Variants in IL12RB1 observed in about 807,000 individuals in gnomAD.
IL12RB1 encodes interleukin-12 receptor subunit beta-1.
A neutral mutation model predicts 94.4 loss-of-function variants in IL12RB1; 64 were observed. That is an observed-to-expected ratio of 0.68 (90% CI 0.55 to 0.83). The LOEUF (loss-of-function observed/expected upper bound fraction) is 0.83, where lower values mean the gene tolerates loss of function less well. Among genes scored for constraint, IL12RB1 ranks in the 40% least tolerant of loss-of-function variants. The pLI, the probability that IL12RB1 is intolerant of heterozygous loss-of-function variation, is 0.00. For missense variants in IL12RB1, 814 were observed against 855.6 expected (o/e 0.95, Z 0.61); for synonymous variants, 362 against 355.5 (o/e 1.02, Z -0.21).
chr19:18,097,101 T>C (rs2146659196), intron 1 of IL12RB1, among the ~76,000 whole-genome samples: 1 of 152,320 alleles, frequency 6.6e-6, no homozygotes, highest in East Asian at 1.9e-4. Flanking sequence ...ACCTTAAATT[T>C]TGCACAGGGG....
chr19:18,064,961 T>C (rs1250007109), intron 12 of IL12RB1, among the ~76,000 whole-genome samples: 1 of 152,178 alleles, frequency 6.6e-6, no homozygotes, highest in Non-Finnish European at 1.5e-5. Flanking sequence ...TTACCGCCCC[T>C]GTCCACGGCA....
At chr19:18,092,185 T>A (rs935711857) in intron 1 of IL12RB1, among the ~76,000 whole-genome samples, 44 of 76,686 alleles carry the variant, frequency 5.7e-4, no homozygotes, top group Admixed American at 1.2e-3. Context: ...ACCATCCAGC[T>A]TTTTTTTTTT....
At chr19:18,077,457 G>C (rs1425420301) in intron 5 of IL12RB1, 59 bp downstream of exon 5, 5 of 1,321,260 alleles carry the variant, frequency 3.8e-6, no homozygotes, top group Admixed American at 1.9e-5. Context: ...AGACTGATTT[G>C]GGGGTGAAGG....
At position 18,082,152 on chromosome 19, in the gene IL12RB1, A is replaced by G. The variant is rs2035959654; in HGVS notation, c.237T>C (p.Cys79=). The G allele has an allele frequency of 2.5e-6, 4 of 1,596,866 alleles. No homozygotes were observed. Among genetic ancestry groups the G allele is most frequent in the South Asian group, 1.1e-5 (1 of 90,610 alleles). Reference sequence around the variant, plus strand: ...GGGAATGGTAGAGGGGTCCTCACCAACACCGCAGGAAGTGGCTGACCCCAG... The same window carrying G: ...GGGAATGGTAGAGGGGTCCTCACCAGCACCGCAGGAAGTGGCTGACCCCAG... ...PTAGVSHFLR[C]CLSSGRCCYF... Residue 79 remains cysteine (C), a splice_region_variant and synonymous_variant, in exon 3 of 17, where the codon TGT becomes TGC. Transcript: ENST00000593993.
Position 18,060,427 on chromosome 19 carries a change from C to T in IL12RB1, c.1792-342G>A, listed in dbSNP as rs907187741. Among the ~76,000 whole-genome samples the T allele has an allele frequency of 3.9e-5, 6 of 152,218 alleles. No homozygotes were observed. In the South Asian group the frequency reaches 6.2e-4, roughly 16 times the overall value. On this transcript the variant is annotated intron_variant, in intron 15 of 16. Coordinates refer to ENST00000593993, the MANE Select transcript of IL12RB1 (RefSeq NM_005535.3). ...CCGGGAATCAGAGGTTGCAGTGAGC[C>T]GAGATGGCGCCACTGCACTCCAGGC... is the stretch of plus-strand genomic sequence containing the variant.
chr19:18,082,384 TC>T lies in IL12RB1; in HGVS notation c.125-121del, dbSNP rs1663631410. 4.3e-6 allele frequency: 3 copies of T among 703,734 alleles called. No homozygotes were observed. The African/African-American group carries it at 5.2e-5, about 12-fold the overall frequency. The allele number at this position is 703,734 out of a possible 1,614,324, so 43.6% of individuals were successfully genotyped here. Reference sequence around the variant, plus strand: ...CACCTCAGCCTAAACCCTCCCCGCGTCCTTCCTACCTCATCCCCTGCCGTCT... The same window carrying T: ...CACCTCAGCCTAAACCCTCCCCGCGTCTTCCTACCTCATCCCCTGCCGTCT... On this transcript the variant is annotated intron_variant, in intron 2 of 16. Coordinates refer to ENST00000593993, the MANE Select transcript of IL12RB1 (RefSeq NM_005535.3).
At chr19:18,084,587 A>G (rs1190706090) in intron 1 of IL12RB1, among the ~76,000 whole-genome samples, 1 of 151,056 alleles carries the variant, frequency 6.6e-6, no homozygotes. Flanking sequence ...CTATCCATCT[A>G]TCCATCCACG....
chr19:18,075,252 C>CTTTTTTTTTTTTTTTTTCT (rs71164363), intron 7 of IL12RB1, among the ~76,000 whole-genome samples: 2 of 132,972 alleles, frequency 1.5e-5, no homozygotes, highest in African/African-American at 2.7e-5. Flanking sequence ...TTTATTATTA[C>CTTTTTTTTTTTTTTTTTCT]TTTTTTTTTT....
intron 3 of IL12RB1, 33 bp downstream of exon 3, chr19:18,082,117 G>T: frequency 7.5e-7 from 1 of 1,339,550 alleles, no homozygotes; most frequent in Non-Finnish European, 1.1e-6. Context: ...GGGATGGTGG[G>T]TGAGGGTTTG....
Position 18,082,222 on chromosome 19 carries a change from G to A in IL12RB1, c.167C>T (p.Ser56Phe), listed in dbSNP as rs990803121. The change falls in exon 3 of 17, where the codon TCC (serine) becomes TTC (phenylalanine). Residue 56 changes from serine (S) to phenylalanine (F), a missense_variant. By Grantham distance (155) the Ser-to-Phe change is radical. Transcript: ENST00000593993. ...CCAGGAGCACTCGTAACGATCACTG[G>A]ATATCCGATAGCATCTCAGGTCCCT... is the stretch of plus-strand genomic sequence containing the variant. ...GPRDLRCYRISSDRYECSWQY... is the reference protein window; with the variant it reads ...GPRDLRCYRIFSDRYECSWQY... 6.2e-7 allele frequency: 1 copy of A among 1,613,754 alleles called. No individual in the cohort carries two copies. The highest frequency in any genetic ancestry group is 8.5e-7 in the Non-Finnish European group (1 of 1,179,778).
At chr19:18,061,292 G>C in intron 14 of IL12RB1, 95 bp from the exon 15 acceptor site, 1 of 630,662 alleles carries the variant, frequency 1.6e-6, no homozygotes, top group Non-Finnish European at 2.8e-6. Context: ...GTGCAGTGGC[G>C]CGATCTCGGC....
chr19:18,094,574 T>C (rs412133), intron 1 of IL12RB1, among the ~76,000 whole-genome samples: 116,484 of 152,198 alleles, frequency 0.77, 44,824 homozygotes, highest in East Asian at 0.94. Context: ...AAATTTAAAA[T>C]ATAGAGTTGC....
chr19:18,072,487 A>G, intron 8 of IL12RB1, 138 bp from the exon 9 acceptor site: 2 of 684,760 alleles, frequency 2.9e-6, no homozygotes, highest in Non-Finnish European at 5.3e-6. Flanking sequence ...TTAAAAGAAT[A>G]ATAAACCTCA....
chr19:18,071,930 GC>G (rs2035080181), intron 9 of IL12RB1, among the ~76,000 whole-genome samples, 181 bp downstream of exon 9: 1 of 152,276 alleles, frequency 6.6e-6, no homozygotes, highest in East Asian at 1.9e-4. Flanking sequence ...CTCCCAAAGT[GC>G]TGGGATTACA....
At chr19:18,094,701 A>T (rs1244879155) in intron 1 of IL12RB1, among the ~76,000 whole-genome samples, 1 of 152,030 alleles carries the variant, frequency 6.6e-6, no homozygotes, top group Non-Finnish European at 1.5e-5. Context: ...TTGTCTCTAC[A>T]AAAAATACAA....
At chr19:18,070,923 G>A (rs916843173) in intron 9 of IL12RB1, 1 of 159,754 alleles carries the variant, frequency 6.3e-6, no homozygotes, top group Admixed American at 6.2e-5. Flanking sequence ...CCAACAGACT[G>A]AGAACCTAGC....
Position 18,069,541 on chromosome 19 carries a change from A to C in IL12RB1, c.1189+5T>G. The C allele has an allele frequency of 6.2e-7, 1 of 1,605,136 alleles. No individual in the cohort carries two copies. The highest frequency in any genetic ancestry group is 8.5e-7 in the Non-Finnish European group (1 of 1,178,612). ...GGGTAGGCGCAGGCCATTCCAGGCC[A>C]TTACCCATTCCAGCCGGATCCGGGT... On this transcript the variant is annotated splice_donor_5th_base_variant and intron_variant, in intron 10 of 16. Coordinates refer to ENST00000593993, the MANE Select transcript of IL12RB1 (RefSeq NM_005535.3).
chr19:18,079,851 C>T (rs187764070), intron 4 of IL12RB1, among the ~76,000 whole-genome samples: 8,298 of 151,736 alleles, frequency 0.055, 735 homozygotes, highest in African/African-American at 0.19. Context: ...GAGCCGAGAT[C>T]GCGCCACTGC....
intron 1 of IL12RB1, among the ~76,000 whole-genome samples, chr19:18,092,858 T>C (rs1178024981): frequency 6.6e-6 from 1 of 152,030 alleles, no homozygotes; most frequent in East Asian, 1.9e-4. Context: ...AAAAGTTCAT[T>C]CAACCACCAC....
Sources: gnomAD v4.1 joint callset for allele counts (sites outside exome capture counted in the v4.1 genomes callset) on GRCh38, gnomAD v4.1.1 for gene constraint, MANE v1.5 for transcripts, NCBI Gene and HGNC (gene_info 2026-07-23, HGNC 2026-07-21) for gene names.